CCDC91: variants seen among roughly 807,000 people sequenced by gnomAD.
The protein encoded by CCDC91 is coiled-coil domain containing 91, also known as coiled-coil domain-containing protein 91.
CCDC91 carries 48 observed loss-of-function variants against 63.2 expected under a neutral mutation model. The observed-to-expected ratio is 0.76, with a 90% CI of 0.60 to 0.97. CCDC91 has a LOEUF of 0.97. CCDC91 is among the 50% of genes least tolerant of loss of function. CCDC91 has a pLI of 0.00. For missense variants in CCDC91, 500 were observed against 494.6 expected, an observed-to-expected ratio of 1.01 and a Z score of -0.10; for synonymous variants, 167 against 165.8, an observed-to-expected ratio of 1.01 and a Z score of -0.06.
intron 1 of CCDC91, among the ~76,000 whole-genome samples, chr12:28,201,074 G>A (rs1189936528): frequency 6.7e-6 from 1 of 149,358 alleles, no homozygotes; most frequent in Non-Finnish European, 1.5e-5. Context: ...CAGTAGAGGC[G>A]GCAGGGCAGA....
At chr12:28,388,458 C>G (rs549320446) in intron 7 of CCDC91, among the ~76,000 whole-genome samples, 1 of 152,134 alleles carries the variant, frequency 6.6e-6, no homozygotes, top group East Asian at 1.9e-4. Context: ...CTCTGTCATA[C>G]GCCAACAGCA....
chr12:28,410,235 A>G (rs1426681881), intron 8 of CCDC91, among the ~76,000 whole-genome samples: 1 of 152,040 alleles, frequency 6.6e-6, no homozygotes, highest in Non-Finnish European at 1.5e-5. Flanking sequence ...TAGGATTATG[A>G]TGTCTTCTTT....
intron 8 of CCDC91, among the ~76,000 whole-genome samples, chr12:28,412,600 A>G (rs934350483): frequency 6.6e-5 from 10 of 152,150 alleles, no homozygotes; most frequent in Admixed American, 2.0e-4. Context: ...GCACGGACCC[A>G]AAGAGTGAGA....
At chr12:28,487,617 C>G (rs1303623167) in intron 12 of CCDC91, among the ~76,000 whole-genome samples, 1 of 151,334 alleles carries the variant, frequency 6.6e-6, no homozygotes. Flanking sequence ...GAACACATTT[C>G]CAGAATAAAA....
At chr12:28,521,209 G>A (rs1940615535) in intron 12 of CCDC91, among the ~76,000 whole-genome samples, 1 of 152,284 alleles carries the variant, frequency 6.6e-6, no homozygotes, top group South Asian at 2.1e-4. Context: ...CATGAGCATG[G>A]AATGTTCTTC....
At chr12:28,494,768 GA>G (rs973851367) in intron 12 of CCDC91, among the ~76,000 whole-genome samples, 1 of 151,646 alleles carries the variant, frequency 6.6e-6, no homozygotes, top group Non-Finnish European at 1.5e-5. Context: ...GAGATACAGG[GA>G]AAAAGCATTT....
intron 8 of CCDC91, among the ~76,000 whole-genome samples, chr12:28,436,358 G>A (rs1314168509): frequency 6.6e-6 from 1 of 151,620 alleles, no homozygotes; most frequent in South Asian, 2.1e-4. Flanking sequence ...CCATTTCACA[G>A]ATAGTGTTAA....
At chr12:28,538,230 A>G (rs540743956) in intron 12 of CCDC91, among the ~76,000 whole-genome samples, 11 of 149,876 alleles carry the variant, frequency 7.3e-5, no homozygotes, top group African/African-American at 2.5e-4. Context: ...AACATTATGT[A>G]TATCTCCTAA....
At chr12:28,426,116 A>G (rs1304478887) in intron 8 of CCDC91, among the ~76,000 whole-genome samples, 1 of 152,128 alleles carries the variant, frequency 6.6e-6, no homozygotes, top group African/African-American at 2.4e-5. Flanking sequence ...TCTTCTCTCA[A>G]CACTAAATAT....
At chr12:28,383,443 T>C (rs1945413266) in intron 7 of CCDC91, among the ~76,000 whole-genome samples, 2 of 152,162 alleles carry the variant, frequency 1.3e-5, no homozygotes, top group South Asian at 4.1e-4. Context: ...AAGGGAGAAC[T>C]TGTTTGTTTC....
intron 12 of CCDC91, among the ~76,000 whole-genome samples, chr12:28,523,588 T>C (rs1285394100): frequency 1.3e-5 from 2 of 152,186 alleles, no homozygotes; most frequent in African/African-American, 2.4e-5. Context: ...AAGGTTAATA[T>C]TGTTATGTGT....
rs74721863 is a variant in CCDC91 at position 28,352,764 on chromosome 12, C to G, written c.577-9674C>G. On this transcript the variant is annotated intron_variant, in intron 6 of 12. Coordinates refer to ENST00000536442, the MANE Select transcript of CCDC91 (RefSeq NM_018318.5). ...CCGTAAACAGATGTGCTGTCATCCA[C>G]GCTTTGTTCTTCCTCTGATAGAACA... 3.7e-3 allele frequency among the ~76,000 whole-genome samples: 533 copies of G among 144,634 alleles called. 7 individuals are homozygous for G. Among genetic ancestry groups the G allele is most frequent in the African/African-American group, 0.013 (499 of 39,804 alleles). The allele number at this position is 144,634 out of a possible 152,430, so 94.9% of individuals were successfully genotyped here.
intron 12 of CCDC91, among the ~76,000 whole-genome samples, chr12:28,545,450 A>T (rs201132183): frequency 6.6e-6 from 1 of 152,190 alleles, no homozygotes; most frequent in Non-Finnish European, 1.5e-5. Context: ...GTTCCATCCC[A>T]CAGCCATGAT....
At chr12:28,283,048 A>G (rs547441456) in intron 3 of CCDC91, among the ~76,000 whole-genome samples, 1 of 152,146 alleles carries the variant, frequency 6.6e-6, no homozygotes, top group South Asian at 2.1e-4. Flanking sequence ...TAGGTTCTCC[A>G]TTCTGTTCTA....
Position 28,328,348 on chromosome 12 carries a change from G to A in CCDC91, c.576+20599G>A, listed in dbSNP as rs149353702. Among the ~76,000 whole-genome samples the A allele has an allele frequency of 3.2e-3, 481 of 151,836 alleles. 7 individuals are homozygous for A. Among genetic ancestry groups the A allele is most frequent in the African/African-American group, 0.011 (447 of 41,380 alleles). On this transcript the variant is annotated intron_variant, in intron 6 of 12. Transcript: ENST00000536442. ...TTTTGGATGTCTTTTGTGATTTTCA[G>A]CATCAAACTAGAAAACTATAAATTA...
chr12:28,225,722 G>C (rs1175380804), intron 1 of CCDC91: 2 of 152,510 alleles, frequency 1.3e-5, no homozygotes, highest in African/African-American at 2.4e-5. Context: ...CTCTCAAAGT[G>C]CAGGGATTAC....
rs551529789 is a variant in CCDC91, at chr12:28,256,507, G to C, written c.-14-695G>C. 5.9e-5 allele frequency among the ~76,000 whole-genome samples: 9 copies of C among 151,360 alleles called. No individual in the cohort carries two copies. The East Asian group carries it at 1.2e-3, about 20-fold the overall frequency. On this transcript the variant is annotated intron_variant, in intron 1 of 12. Coordinates refer to ENST00000536442, the MANE Select transcript of CCDC91 (RefSeq NM_018318.5). ...ATGATATACATTTAGGACTAAAAAAGCAAATAATATTTGAGTGCTTGTCTC... is the reference window on the plus strand; with the variant it reads ...ATGATATACATTTAGGACTAAAAAACCAAATAATATTTGAGTGCTTGTCTC...
intron 3 of CCDC91, among the ~76,000 whole-genome samples, chr12:28,276,733 A>G (rs1948254778): frequency 1.3e-5 from 2 of 151,978 alleles, no homozygotes; most frequent in African/African-American, 4.8e-5. Flanking sequence ...TAACTGGTCA[A>G]ATTTACTTTA....
chr12:28,414,125 A>G (rs964137083), intron 8 of CCDC91, among the ~76,000 whole-genome samples: 5 of 152,158 alleles, frequency 3.3e-5, no homozygotes, highest in African/African-American at 9.7e-5. Context: ...TTATTTGTTG[A>G]TGGTAGCTAC....
Sources: allele counts gnomAD v4.1 joint callset (sites outside exome capture counted in the v4.1 genomes callset), GRCh38; gene constraint gnomAD v4.1.1; transcripts MANE v1.5; gene names NCBI Gene and HGNC (gene_info 2026-07-23, HGNC 2026-07-21).